Variants in ZMAT1 observed in about 807,000 individuals in gnomAD.
The protein encoded by ZMAT1 is zinc finger matrin-type 1.
Under a neutral mutation model 18.5 loss-of-function variants are expected in ZMAT1, and 11 were observed. The observed-to-expected ratio is 0.59, with a 90% CI of 0.37 to 0.98. The LOEUF is 0.98. Ranked by LOEUF, ZMAT1 falls within the 50% of genes least tolerant of loss-of-function variation. The probability of loss-of-function intolerance (pLI) is 0.01; values close to 1 mark genes in which losing one functional copy is unlikely to be tolerated. For missense variants in ZMAT1, 525 were observed against 496.2 expected (o/e 1.06, Z -0.55); for synonymous variants, 211 against 176.4 (o/e 1.20, Z -1.55).
chrX:101,893,812 C>A (rs1267660645), intron 4 of ZMAT1, among the ~76,000 whole-genome samples: 1 of 110,765 alleles, frequency 9.0e-6, no homozygotes, highest in Non-Finnish European at 1.9e-5. Context: ...ATATTCCAGA[C>A]AAAGTGGCAG....
Position 101,898,021 on chromosome X carries a change from C to A in ZMAT1, c.523G>T (p.Asp175Tyr), listed in dbSNP as rs144779698. ...NFQVHRYEGV[D>Y]KNKFCDLCNM... ...CAGAGATCACAAAATTTGTTTTTGT[C>A]CACTCCTTCATACCTATGCACCTGA... is the stretch of plus-strand genomic sequence containing the variant. Residue 175 changes from aspartate (D) to tyrosine (Y), a missense_variant, in exon 4 of 6, where the codon GAC (aspartate) becomes TAC (tyrosine). Physicochemically the swap from Asp to Tyr is radical, Grantham distance 160. Coordinates refer to ENST00000651725, the MANE Select transcript of ZMAT1 (RefSeq NM_001394560.1). 1 of 1,210,761 alleles carries A rather than the reference C, an allele frequency of 8.3e-7. No individual in the cohort carries two copies. The highest frequency in any genetic ancestry group is 1.7e-5 in the African/African-American group (1 of 57,647).
chrX:101,914,370 A>G (rs1271787240), intron 1 of ZMAT1, among the ~76,000 whole-genome samples: 1 of 111,808 alleles, frequency 8.9e-6, no homozygotes, highest in African/African-American at 3.2e-5. Context: ...TGAAATTGAA[A>G]TTAAAAATAC....
chrX:101,884,281 T>A lies in ZMAT1; in HGVS notation c.1317A>T (p.Pro439=). 8.3e-7 allele frequency: 1 copy of A among 1,210,802 alleles called. No individual in the cohort carries two copies. The highest frequency in any genetic ancestry group is 1.1e-6 in the Non-Finnish European group (1 of 895,127). ...PVESQLPQWL[P]THSKRTYDSF... ...AATCATATGTCCTCTTTGAATGGGT[T>A]GGTAGCCACTGAGGTAACTGGCTTT... Residue 439 remains proline (P), a synonymous_variant, in exon 6 of 6, where the codon CCA becomes CCT. Transcript: ENST00000651725.
At chrX:101,905,323 A>G (rs1364148668) in intron 1 of ZMAT1, among the ~76,000 whole-genome samples, 1 of 112,578 alleles carries the variant, frequency 8.9e-6, no homozygotes, top group Non-Finnish European at 1.9e-5. Flanking sequence ...ACTGTAATAA[A>G]TAAGGGGACA....
chrX:101,921,385 G>A (rs980119938), intron 1 of ZMAT1, among the ~76,000 whole-genome samples: 2 of 112,218 alleles, frequency 1.8e-5, no homozygotes, highest in African/African-American at 6.5e-5. Context: ...TTTTAAGACA[G>A]CATTATTTAT....
intron 2 of ZMAT1, among the ~76,000 whole-genome samples, chrX:101,899,395 G>A (rs1329512844): frequency 1.8e-5 from 2 of 111,180 alleles, no homozygotes; most frequent in Non-Finnish European, 1.9e-5. Flanking sequence ...TGAGGTTTTA[G>A]TGCACCCAGC....
chrX:101,919,425 G>A (rs1257414530), intron 1 of ZMAT1, among the ~76,000 whole-genome samples: 5 of 111,961 alleles, frequency 4.5e-5, no homozygotes, highest in South Asian at 3.7e-4. Flanking sequence ...AACTTGTCAC[G>A]TCATTTGGGT....
intron 1 of ZMAT1, among the ~76,000 whole-genome samples, chrX:101,917,998 T>C (rs1929451408): frequency 9.0e-6 from 1 of 111,715 alleles, no homozygotes; most frequent in South Asian, 3.7e-4. Context: ...ACTGAATTCA[T>C]GGACATACAG....
chrX:101,913,445 C>T (rs2147651392), intron 1 of ZMAT1, among the ~76,000 whole-genome samples: 1 of 111,773 alleles, frequency 8.9e-6, no homozygotes, highest in South Asian at 3.8e-4. Context: ...CTAGAGGAAA[C>T]ATACTTTACC....
intron 1 of ZMAT1, among the ~76,000 whole-genome samples, chrX:101,914,760 ATT>A (rs2147654888): frequency 9.0e-6 from 1 of 111,527 alleles, no homozygotes. Flanking sequence ...TCTAGTAAAC[ATT>A]TAAAGAACTA....
intron 4 of ZMAT1, chrX:101,892,793 A>G: frequency 1.5e-6 from 1 of 667,090 alleles, no homozygotes; most frequent in Non-Finnish European, 1.8e-6. Context: ...AGAATGATGA[A>G]GAAAAAGAGA....
intron 2 of ZMAT1, among the ~76,000 whole-genome samples, chrX:101,900,354 T>C (rs1234841801): frequency 4.6e-5 from 3 of 65,556 alleles, no homozygotes; most frequent in African/African-American, 2.3e-4. Flanking sequence ...GCTTTTGGGT[T>C]CTTGGTCATG....
intron 1 of ZMAT1, among the ~76,000 whole-genome samples, chrX:101,904,971 C>A (rs985726069): frequency 9.0e-6 from 1 of 111,149 alleles, no homozygotes; most frequent in Non-Finnish European, 1.9e-5. Context: ...TGAAAACCAA[C>A]CAAACAAACA....
chrX:101,920,711 T>C (rs1028188045), intron 1 of ZMAT1, among the ~76,000 whole-genome samples: 15 of 112,550 alleles, frequency 1.3e-4, no homozygotes, highest in Non-Finnish European at 1.9e-5. Flanking sequence ...TCTACTCATA[T>C]ATTCAGGAAC....
intron 5 of ZMAT1, among the ~76,000 whole-genome samples, chrX:101,885,501 G>A (rs1041170306): frequency 1.8e-5 from 2 of 110,086 alleles, no homozygotes; most frequent in East Asian, 2.9e-4. Flanking sequence ...AATAGCCACT[G>A]GACTCCACCC....
At chrX:101,923,610 T>C (rs556616077) in intron 1 of ZMAT1, among the ~76,000 whole-genome samples, 1 of 112,136 alleles carries the variant, frequency 8.9e-6, no homozygotes, top group Admixed American at 9.5e-5. Flanking sequence ...TTCTTGTCTA[T>C]GTCCTAACCC....
intron 1 of ZMAT1, among the ~76,000 whole-genome samples, chrX:101,912,352 T>C (rs1929025593): frequency 9.0e-6 from 1 of 111,712 alleles, no homozygotes; most frequent in Non-Finnish European, 1.9e-5. Flanking sequence ...TGCTACATTA[T>C]AGAACCTACA....
At chrX:101,911,931 G>T in intron 1 of ZMAT1, 1 of 1,206,880 alleles carries the variant, frequency 8.3e-7, no homozygotes, top group Non-Finnish European at 1.1e-6. Context: ...CACGATTGCG[G>T]AAAGTCCTTT....
intron 2 of ZMAT1, among the ~76,000 whole-genome samples, chrX:101,901,492 G>A (rs1213048611): frequency 9.0e-6 from 1 of 111,296 alleles, no homozygotes; most frequent in Non-Finnish European, 1.9e-5. Context: ...TATACCCATT[G>A]TATAGGAAAG....
Sources: gnomAD v4.1 joint callset for allele counts (sites outside exome capture counted in the v4.1 genomes callset) on GRCh38, gnomAD v4.1.1 for gene constraint, MANE v1.5 for transcripts, NCBI Gene and HGNC (gene_info 2026-07-23, HGNC 2026-07-21) for gene names.